Variants in KIAA1958 observed in about 807,000 individuals in gnomAD.
The protein encoded by KIAA1958 is KIAA1958, also known as uncharacterized protein KIAA1958.
Under a neutral mutation model 47.2 loss-of-function variants are expected in KIAA1958, and 14 were observed. That is an observed-to-expected ratio of 0.30 (90% CI 0.20 to 0.46). KIAA1958 has a LOEUF of 0.46. Ranked by LOEUF, KIAA1958 falls within the 20% of genes least tolerant of loss-of-function variation. The pLI is 1.00. For missense variants in KIAA1958, 803 were observed against 909.2 expected, an observed-to-expected ratio of 0.88 and a Z score of 1.50; for synonymous variants, 354 against 353.3, an observed-to-expected ratio of 1.00 and a Z score of -0.02.
chr9:112,566,466 T>G (rs905317331), intron 1 of KIAA1958, among the ~76,000 whole-genome samples: 1 of 152,128 alleles, frequency 6.6e-6, no homozygotes, highest in Admixed American at 6.5e-5. Context: ...TTCCAACATC[T>G]TCATCCAAAT....
rs1835602192 is a variant in KIAA1958, at chr9:112,574,550, A to C, written c.470A>C (p.Asp157Ala). Residue 157 changes from aspartate to alanine, a missense_variant, in exon 2 of 4, where the codon GAT (aspartate) becomes GCT (alanine). This residue lies in a region of KIAA1958 where 761 missense variants were observed against 829.3 expected (regional missense o/e 0.92). Transcript: ENST00000337530. ...MVCESSVTDE[D>A]SDFEPQTQRP... Reference sequence around the variant, plus strand: ...TGTGAGTCTTCTGTTACAGATGAGGATAGTGACTTTGAACCCCAAACCCAA... The same window carrying C: ...TGTGAGTCTTCTGTTACAGATGAGGCTAGTGACTTTGAACCCCAAACCCAA... 1 of 1,614,150 alleles carries C rather than the reference A, an allele frequency of 6.2e-7. No homozygotes were observed. Among genetic ancestry groups the C allele is most frequent in the Non-Finnish European group, 8.5e-7 (1 of 1,180,014 alleles).
chr9:112,595,693 A>G (rs1262780910), intron 2 of KIAA1958, among the ~76,000 whole-genome samples: 2 of 151,976 alleles, frequency 1.3e-5, no homozygotes, highest in African/African-American at 4.8e-5. Flanking sequence ...AAAAAAAAAA[A>G]AAATTAAGCT....
At chr9:112,508,654 G>C (rs372920995) in intron 1 of KIAA1958, among the ~76,000 whole-genome samples, 6 of 152,212 alleles carry the variant, frequency 3.9e-5, no homozygotes, top group African/African-American at 1.4e-4. Context: ...ATGCCAGAAG[G>C]ATGGTTAAAA....
At chr9:112,625,439 C>T (rs556363764) in intron 2 of KIAA1958, among the ~76,000 whole-genome samples, 2 of 152,296 alleles carry the variant, frequency 1.3e-5, no homozygotes, top group Admixed American at 6.5e-5. Context: ...CAGGCATGAG[C>T]CACTGCTCTG....
intron 2 of KIAA1958, among the ~76,000 whole-genome samples, chr9:112,616,217 T>C (rs981452173): frequency 6.6e-6 from 1 of 152,232 alleles, no homozygotes; most frequent in African/African-American, 2.4e-5. Context: ...TTAAGTGTAT[T>C]GGAGCATAAA....
chr9:112,506,652 T>C (rs62567825), intron 1 of KIAA1958, among the ~76,000 whole-genome samples: 4 of 152,064 alleles, frequency 2.6e-5, no homozygotes, highest in African/African-American at 4.8e-5. Context: ...AGTGCTGATA[T>C]TATTTTCTTT....
intron 2 of KIAA1958, among the ~76,000 whole-genome samples, chr9:112,582,957 A>C (rs960453229): frequency 6.6e-6 from 1 of 152,210 alleles, no homozygotes; most frequent in African/African-American, 2.4e-5. Context: ...CAAATGCAGA[A>C]TCTCAGGCTC....
At chr9:112,545,854 T>G (rs902107809) in intron 1 of KIAA1958, among the ~76,000 whole-genome samples, 1 of 143,496 alleles carries the variant, frequency 7.0e-6, no homozygotes, top group African/African-American at 2.6e-5. Flanking sequence ...TTTAGTGAAT[T>G]TCAAAGAATA....
chr9:112,574,994 A>G lies in KIAA1958; in HGVS notation c.914A>G (p.Gln305Arg), dbSNP rs767862375. 1 of 1,614,056 alleles carries G rather than the reference A, an allele frequency of 6.2e-7. No homozygotes were observed. The change falls in exon 2 of 4, where the codon CAG becomes CGG. Residue 305 changes from glutamine (Q) to arginine (R), a missense_variant. Gln to Arg is a conservative substitution (Grantham distance 43, BLOSUM62 1). Around this residue, in one of 2 missense-constraint regions of KIAA1958, gnomAD observed 761 missense variants for 829.3 expected, o/e 0.92. Transcript: ENST00000337530. ...GPPGTHGTNQ[Q>R]VAMQMPVSTS... ...CCTGGTACACATGGCACCAACCAAC[A>G]GGTGGCCATGCAAATGCCTGTGAGC...
intron 2 of KIAA1958, chr9:112,619,109 C>A: frequency 4.7e-6 from 2 of 423,680 alleles, no homozygotes; most frequent in South Asian, 1.1e-4. Context: ...TATTTATAGG[C>A]TTAAGACAAA....
At chr9:112,543,424 C>T (rs190952823) in intron 1 of KIAA1958, among the ~76,000 whole-genome samples, 1 of 152,236 alleles carries the variant, frequency 6.6e-6, no homozygotes, top group Admixed American at 6.5e-5. Flanking sequence ...TAAATGGATG[C>T]TGAGTGGGCC....
intron 1 of KIAA1958, among the ~76,000 whole-genome samples, chr9:112,489,707 G>C (rs1033067861): frequency 6.6e-6 from 1 of 151,910 alleles, no homozygotes; most frequent in Non-Finnish European, 1.5e-5. Context: ...ATTTGAATTT[G>C]TGTAAAACTG....
chr9:112,603,510 A>G lies in KIAA1958; in HGVS notation c.1171+28259A>G, dbSNP rs150145779. The stretch of plus-strand genomic sequence containing the variant: ...ATACCCATCCTTTAAAACCAACCCA[A>G]GTCCCACCCAGTTCCACCATGGATT... On this transcript the variant is annotated intron_variant, in intron 2 of 3. Coordinates refer to ENST00000337530, the MANE Select transcript of KIAA1958 (RefSeq NM_133465.4). Among the ~76,000 whole-genome samples the G allele has an allele frequency of 4.1e-3, 628 of 152,226 alleles. 2 individuals are homozygous for G. Among genetic ancestry groups the G allele is most frequent in the Non-Finnish European group, 7.3e-3 (496 of 68,012 alleles).
intron 1 of KIAA1958, among the ~76,000 whole-genome samples, chr9:112,517,473 C>G (rs537066092): frequency 6.6e-6 from 1 of 152,072 alleles, no homozygotes; most frequent in South Asian, 2.1e-4. Flanking sequence ...TAATATAAAA[C>G]CTAATATTGT....
chr9:112,521,198 ATGTTGT>A (rs539494718), intron 1 of KIAA1958, among the ~76,000 whole-genome samples: 52 of 151,756 alleles, frequency 3.4e-4, no homozygotes, highest in Middle Eastern at 3.4e-3. Flanking sequence ...TAAATAGCCT[ATGTTGT>A]TGTTGTTGTT....
chr9:112,550,952 C>G (rs1323121357), intron 1 of KIAA1958, among the ~76,000 whole-genome samples: 1 of 151,934 alleles, frequency 6.6e-6, no homozygotes. Flanking sequence ...TCTCAGGAGC[C>G]TGTCATGGGT....
intron 2 of KIAA1958, among the ~76,000 whole-genome samples, chr9:112,576,463 T>TA (rs2131176508): frequency 6.6e-6 from 1 of 152,256 alleles, no homozygotes; most frequent in African/African-American, 2.4e-5. Flanking sequence ...AATTTCAGAA[T>TA]ATTTTCATCA....
intron 1 of KIAA1958, among the ~76,000 whole-genome samples, chr9:112,555,291 G>T (rs990428174): frequency 6.6e-6 from 1 of 152,146 alleles, no homozygotes; most frequent in African/African-American, 2.4e-5. Flanking sequence ...AAGAGTGAGT[G>T]TCATTTATAG....
chr9:112,524,126 A>G (rs952316353), intron 1 of KIAA1958, among the ~76,000 whole-genome samples: 1 of 152,374 alleles, frequency 6.6e-6, no homozygotes, highest in African/African-American at 2.4e-5. Flanking sequence ...CACAGACGTT[A>G]AGAGTTCTGA....
Sources: allele counts gnomAD v4.1 joint callset (sites outside exome capture counted in the v4.1 genomes callset), GRCh38; gene constraint gnomAD v4.1.1; regional missense constraint gnomAD v4.1.1; transcripts MANE v1.5; gene names NCBI Gene and HGNC (gene_info 2026-07-23, HGNC 2026-07-21).